Variants in GRAMD2A observed in about 807,000 individuals in gnomAD.
GRAMD2A encodes GRAM domain-containing protein 2A.
In GRAMD2A, 37 loss-of-function variants were observed where a neutral mutation model predicts 51.1. That is an observed-to-expected ratio of 0.72 (90% CI 0.56 to 0.95). GRAMD2A has a LOEUF of 0.95. Ranked by LOEUF, GRAMD2A falls within the 40% of genes least tolerant of loss-of-function variation. The pLI, the probability that GRAMD2A is intolerant of heterozygous loss-of-function variation, is 0.00. For synonymous variants in GRAMD2A, 136 were observed against 157.1 expected (o/e 0.87, Z 1.01); for missense variants, 414 against 426.9 (o/e 0.97, Z 0.27).
rs186473578 is a variant in GRAMD2A at position 72,166,015 on chromosome 15, C to T, written c.544-605G>A. ...TCCCAAGTAGCTGGGATTACAGGTG[C>T]CTGCCACCACACCCGGCTAATTTTT... On this transcript the variant is annotated intron_variant, in intron 7 of 11. Transcript: ENST00000309731. This position sits in a 1 kb window ranked among gnomAD's most constrained non-coding sequence, Gnocchi z 4.1. 6.6e-6 allele frequency among the ~76,000 whole-genome samples: 1 copy of T among 152,054 alleles called. No individual in the cohort carries two copies. The highest frequency in any genetic ancestry group is 1.5e-5 in the Non-Finnish European group (1 of 68,016).
At chr15:72,177,944 TCTTGAA>T (rs1404141149) in intron 1 of GRAMD2A, among the ~76,000 whole-genome samples, 1 of 152,162 alleles carries the variant, frequency 6.6e-6, no homozygotes, top group African/African-American at 2.4e-5. Flanking sequence ...GCCAGGCTGG[TCTTGAA>T]CCCCTCACTT....
intron 1 of GRAMD2A, among the ~76,000 whole-genome samples, chr15:72,197,218 T>TTC (rs1356494707): frequency 6.6e-6 from 1 of 152,036 alleles, no homozygotes; most frequent in East Asian, 2.0e-4. Context: ...CTGAGACAGC[T>TTC]CCGAGCTGCC....
rs763795938 is a variant in GRAMD2A, at chr15:72,163,479, T to G, written c.746-3A>C. The G allele has an allele frequency of 8.7e-6, 14 of 1,612,874 alleles. No individual in the cohort carries two copies. Among genetic ancestry groups the G allele is most frequent in the Non-Finnish European group, 1.2e-5 (14 of 1,179,344 alleles). Reference sequence around the variant, plus strand: ...AGCTACTTGGGCTCTTGACTTTTCTTTATGGATTGGGAGAAAAAAAAAATC... The same window carrying G: ...AGCTACTTGGGCTCTTGACTTTTCTGTATGGATTGGGAGAAAAAAAAAATC... On this transcript the variant is annotated splice_polypyrimidine_tract_variant and splice_region_variant and intron_variant, in intron 9 of 11. Transcript: ENST00000309731.
chr15:72,195,552 G>A lies in GRAMD2A; in HGVS notation c.41+2179C>T, dbSNP rs139436410. ...GCCGACCTCAACCTCAGGGGGTCAC[G>A]GGAGCACCCTAGGTGGATGAATTAG... On this transcript the variant is annotated intron_variant, in intron 1 of 11. Transcript: ENST00000309731. 7.2e-5 allele frequency among the ~76,000 whole-genome samples: 11 copies of A among 152,276 alleles called. No individual in the cohort carries two copies. The East Asian group carries it at 1.2e-3, about 16-fold the overall frequency.
chr15:72,171,013 CA>C (rs2081605205), intron 1 of GRAMD2A, among the ~76,000 whole-genome samples: 1 of 152,238 alleles, frequency 6.6e-6, no homozygotes, highest in South Asian at 2.1e-4. Flanking sequence ...CCGCTCCCAC[CA>C]TACCATTGTA....
intron 1 of GRAMD2A, among the ~76,000 whole-genome samples, chr15:72,191,343 G>A (rs894095900): frequency 6.6e-6 from 1 of 152,072 alleles, no homozygotes; most frequent in Non-Finnish European, 1.5e-5. Context: ...GGGATTACAG[G>A]TGCCCGCCAC....
At chr15:72,179,499 G>A (rs2081681092) in intron 1 of GRAMD2A, among the ~76,000 whole-genome samples, 1 of 152,212 alleles carries the variant, frequency 6.6e-6, no homozygotes, top group African/African-American at 2.4e-5. Context: ...GGGAAGAGGG[G>A]GCAGGAGGCA....
intron 1 of GRAMD2A, among the ~76,000 whole-genome samples, chr15:72,184,099 C>G (rs2081717906): frequency 6.6e-6 from 1 of 152,266 alleles, no homozygotes; most frequent in African/African-American, 2.4e-5. Context: ...ATCTTTCTCT[C>G]CTGGTTCCCC....
chr15:72,178,201 C>T (rs979153339), intron 1 of GRAMD2A, among the ~76,000 whole-genome samples: 1 of 152,184 alleles, frequency 6.6e-6, no homozygotes, highest in Non-Finnish European at 1.5e-5. Context: ...TCACCCTGGC[C>T]CTCTTGAGTT....
At chr15:72,177,216 TAAATC>T (rs1435393131) in intron 1 of GRAMD2A, among the ~76,000 whole-genome samples, 1 of 152,120 alleles carries the variant, frequency 6.6e-6, no homozygotes, top group African/African-American at 2.4e-5. Flanking sequence ...TCAAACCAGT[TAAATC>T]AGAATATCTG....
rs937634193 is a variant in GRAMD2A at position 72,167,749 on chromosome 15, C to T, written c.359G>A (p.Gly120Asp). 6.2e-7 allele frequency: 1 copy of T among 1,613,642 alleles called. No homozygotes were observed. The highest frequency in any genetic ancestry group is 8.5e-7 in the Non-Finnish European group (1 of 1,179,568). Residue 120 changes from glycine (G) to aspartate (D), a missense_variant, in exon 5 of 12, where the codon GGC becomes GAC. By Grantham distance (94) the Gly-to-Asp change is moderately conservative. Transcript: ENST00000309731. ...NWLCFHASLF[G>D]KDIKVVIPVV... Reference sequence around the variant, plus strand: ...ACTCATTACTACCTTGATATCCTTGCCAAAGAGGCTGGCATGGAAGCAGAG... The same window carrying T: ...ACTCATTACTACCTTGATATCCTTGTCAAAGAGGCTGGCATGGAAGCAGAG...
chr15:72,174,883 G>T (rs1294125504), intron 1 of GRAMD2A, among the ~76,000 whole-genome samples: 4 of 151,970 alleles, frequency 2.6e-5, no homozygotes, highest in Admixed American at 1.3e-4. Flanking sequence ...GGGCCTCGTG[G>T]TGCACCTGAC....
At chr15:72,163,117 A>G in intron 10 of GRAMD2A, 149 bp downstream of exon 10, 3 of 604,678 alleles carry the variant, frequency 5.0e-6, no homozygotes, top group Non-Finnish European at 5.9e-6. Flanking sequence ...GGCGTGCCAC[A>G]TGGCCTTCAG....
At chr15:72,188,331 C>T (rs962079601) in intron 1 of GRAMD2A, among the ~76,000 whole-genome samples, 9 of 145,692 alleles carry the variant, frequency 6.2e-5, no homozygotes, top group Admixed American at 2.8e-4. Context: ...AGCTAGACTT[C>T]GTCTCAAAGA....
chr15:72,174,795 A>G (rs1001649051), intron 1 of GRAMD2A, among the ~76,000 whole-genome samples: 3 of 152,184 alleles, frequency 2.0e-5, no homozygotes, highest in African/African-American at 7.2e-5. Flanking sequence ...GCACCAGCAC[A>G]GGGAGATGTC....
chr15:72,193,057 C>T (rs758839740), intron 1 of GRAMD2A, among the ~76,000 whole-genome samples: 11 of 151,380 alleles, frequency 7.3e-5, no homozygotes, highest in Non-Finnish European at 1.3e-4. Flanking sequence ...ACCTGGGAGG[C>T]GGAGTTTGCA....
In GRAMD2A at chr15:72,168,986, G is replaced by A; in HGVS notation, c.145C>T (p.Pro49Ser). The A allele has an allele frequency of 6.2e-7, 1 of 1,614,116 alleles. No homozygotes were observed. ...ATCTCTTCACCCTTCAAGCCTTCTG[G>A]CCAGTGCAGACTGCAAAGGAGACAT... ...EEPPDYSLHW[P>S]EGLKGEEIKK... Residue 49 changes from proline to serine, a missense_variant, in exon 3 of 12, where the codon CCA (proline) becomes TCA (serine). Coordinates refer to ENST00000309731, the MANE Select transcript of GRAMD2A (RefSeq NM_001012642.3).
Position 72,166,924 on chromosome 15 carries a change from G to T in GRAMD2A, c.471+70C>A. The T allele has an allele frequency of 8.0e-7, 1 of 1,251,818 alleles. No homozygotes were observed. The highest frequency in any genetic ancestry group is 1.2e-6 in the Non-Finnish European group (1 of 851,124). 77.5% of individuals were successfully genotyped at this position (1,251,818 alleles called of 1,614,324 possible). The stretch of plus-strand genomic sequence containing the variant: ...GAAATAAAGACCTGGGAATGTGCCC[G>T]AGTCAGACTGTGGGCTGTCAGGGCT... On this transcript the variant is annotated intron_variant, in intron 6 of 11. Coordinates refer to ENST00000309731, the MANE Select transcript of GRAMD2A (RefSeq NM_001012642.3). The surrounding 1 kb of genome is among the most constrained non-coding windows in gnomAD (Gnocchi z 4.1).
At chr15:72,173,167 A>G (rs182957519) in intron 1 of GRAMD2A, among the ~76,000 whole-genome samples, 408 of 152,324 alleles carry the variant, frequency 2.7e-3, no homozygotes, top group Non-Finnish European at 4.6e-3. Flanking sequence ...CAGAGGATGC[A>G]CAGATCCCTG....
Sources: gnomAD v4.1 joint callset for allele counts (sites outside exome capture counted in the v4.1 genomes callset) on GRCh38, gnomAD v4.1.1 for gene constraint, Gnocchi (gnomAD v3.1) non-coding constraint, MANE v1.5 for transcripts, NCBI Gene and HGNC (gene_info 2026-07-23, HGNC 2026-07-21) for gene names.